Variants in PDE4D observed in about 807,000 individuals in gnomAD.
The protein encoded by PDE4D is phosphodiesterase 4D.
A neutral mutation model predicts 87.4 loss-of-function variants in PDE4D; 24 were observed. That is an observed-to-expected ratio of 0.27 (90% CI 0.20 to 0.39). The LOEUF (loss-of-function observed/expected upper bound fraction) is 0.39, where lower values mean the gene tolerates loss of function less well. Among genes scored for constraint, PDE4D ranks in the 10% least tolerant of loss-of-function variants. The probability of loss-of-function intolerance (pLI) is 1.00; values close to 1 mark genes in which losing one functional copy is unlikely to be tolerated. For missense variants in PDE4D, 714 were observed against 1,041.0 expected, an observed-to-expected ratio of 0.69 and a Z score of 4.32; for synonymous variants, 384 against 383.2, an observed-to-expected ratio of 1.00 and a Z score of -0.02.
chr5:59,305,317 A>G (rs1412009688), intron 1 of PDE4D, among the ~76,000 whole-genome samples: 1 of 151,488 alleles, frequency 6.6e-6, no homozygotes, highest in African/African-American at 2.4e-5. Flanking sequence ...TGGTCTATCA[A>G]TTTTATTTAT....
rs371639272 is a variant in PDE4D at position 59,550,900 on chromosome 5, G to A, written c.456-334932C>T. ...TTTAGTAGAGACGGGGTTTCACCATGTTGGTCAGGCTGGTCTCAAACTCCT... is the reference window on the plus strand; with the variant it reads ...TTTAGTAGAGACGGGGTTTCACCATATTGGTCAGGCTGGTCTCAAACTCCT... On this transcript the variant is annotated intron_variant, in intron 1 of 14. Coordinates refer to ENST00000340635, the MANE Select transcript of PDE4D (RefSeq NM_001104631.2). Among the ~76,000 whole-genome samples, 149 of 152,138 alleles carry A rather than the reference G, an allele frequency of 9.8e-4. 1 individual carries two copies. The highest frequency in any genetic ancestry group is 3.0e-3 in the African/African-American group (123 of 41,532).
intron 6 of PDE4D, among the ~76,000 whole-genome samples, chr5:59,026,970 T>C (rs1417570840): frequency 6.6e-6 from 1 of 152,190 alleles, no homozygotes; most frequent in Non-Finnish European, 1.5e-5. Context: ...AGTCCACACT[T>C]CATTCAGATT....
At chr5:59,762,523 T>C (rs1254717853) in intron 1 of PDE4D, among the ~76,000 whole-genome samples, 4 of 117,572 alleles carry the variant, frequency 3.4e-5, no homozygotes, top group South Asian at 5.2e-4. Flanking sequence ...TATATGTGTA[T>C]ATGGGTACAC....
At chr5:59,895,811 T>A (rs1304303227), upstream of PDE4D, among the ~76,000 whole-genome samples, 1 of 152,210 alleles carries the variant, frequency 6.6e-6, no homozygotes, top group Non-Finnish European at 1.5e-5. Context: ...GACTTATAAT[T>A]TTTTTCCAGA....
chr5:59,184,886 T>C (rs774986491), intron 4 of PDE4D, among the ~76,000 whole-genome samples: 5 of 152,200 alleles, frequency 3.3e-5, no homozygotes, highest in Non-Finnish European at 5.9e-5. Context: ...GGTTAATTTA[T>C]GAAGTAAGCC....
At chr5:59,726,616 T>G (rs1453468463) in intron 1 of PDE4D, among the ~76,000 whole-genome samples, 1 of 152,130 alleles carries the variant, frequency 6.6e-6, no homozygotes, top group African/African-American at 2.4e-5. Context: ...TCTGTTGTTG[T>G]GTAAGTTATC....
rs1399594349 is a variant in PDE4D, at chr5:59,071,645, C to A, written c.809-32674G>T. Reference sequence around the variant, plus strand: ...ATTTCTTCTCCTCTCTCTGATGATACCTTCTTCCTGCAACATCTGTACTTT... The same window carrying A: ...ATTTCTTCTCCTCTCTCTGATGATAACTTCTTCCTGCAACATCTGTACTTT... On this transcript the variant is annotated intron_variant, in intron 5 of 14. Transcript: ENST00000340635. Among the ~76,000 whole-genome samples the A allele has an allele frequency of 3.4e-5, 5 of 145,314 alleles. No individual in the cohort carries two copies. The East Asian group carries it at 1.1e-3, about 31-fold the overall frequency.
intron 1 of PDE4D, among the ~76,000 whole-genome samples, chr5:59,267,676 G>A (rs1468066034): frequency 6.6e-6 from 1 of 152,082 alleles, no homozygotes; most frequent in Non-Finnish European, 1.5e-5. Flanking sequence ...TGACAACTAA[G>A]AGGAAATGGG....
chr5:60,454,638 G>A (rs1025242138), intron 1 of PDE4D, among the ~76,000 whole-genome samples: 3 of 152,054 alleles, frequency 2.0e-5, no homozygotes, highest in Non-Finnish European at 4.4e-5. Context: ...ATACACACCA[G>A]GGCATGTTGG....
At chr5:59,794,137 GCACACACA>G (rs58204799) in intron 1 of PDE4D, among the ~76,000 whole-genome samples, 8,052 of 145,002 alleles carry the variant, frequency 0.056, 572 homozygotes, top group African/African-American at 0.17. Context: ...ACACAGAGGC[GCACACACA>G]CACACACACA....
chr5:59,436,232 C>T (rs1031210131), intron 1 of PDE4D, among the ~76,000 whole-genome samples: 2 of 152,098 alleles, frequency 1.3e-5, no homozygotes, highest in Admixed American at 6.6e-5. Context: ...AAGGAAATAA[C>T]AGTGCAAATG....
chr5:59,785,698 G>A (rs1765097918), intron 1 of PDE4D, among the ~76,000 whole-genome samples: 1 of 152,154 alleles, frequency 6.6e-6, no homozygotes, highest in Non-Finnish European at 1.5e-5. Flanking sequence ...AACACAATTA[G>A]CTTTTGCATG....
intron 2 of PDE4D, among the ~76,000 whole-genome samples, chr5:59,998,310 T>C (rs1582108413): frequency 6.6e-6 from 1 of 152,158 alleles, no homozygotes; most frequent in Non-Finnish European, 1.5e-5. Context: ...CTTATTTGAT[T>C]ACAACCTAGT....
chr5:59,561,574 C>T (rs73761539), intron 1 of PDE4D, among the ~76,000 whole-genome samples: 4,650 of 152,154 alleles, frequency 0.031, 92 homozygotes, highest in Middle Eastern at 0.054. Flanking sequence ...AGAGGGTGTA[C>T]ATTTATTCTA....
chr5:59,086,584 G>A (rs1487983506), intron 5 of PDE4D, among the ~76,000 whole-genome samples: 2 of 152,040 alleles, frequency 1.3e-5, no homozygotes, highest in African/African-American at 2.4e-5. Context: ...CCATTGTGCT[G>A]AAAACCCCAG....
intron 3 of PDE4D, among the ~76,000 whole-genome samples, chr5:59,192,544 A>G (rs569780659): frequency 2.6e-5 from 4 of 152,314 alleles, no homozygotes; most frequent in African/African-American, 9.6e-5. Context: ...GTTGAAAAAA[A>G]AGAGGACCCA....
chr5:59,085,247 T>C (rs1224090755), intron 5 of PDE4D, among the ~76,000 whole-genome samples: 2 of 152,154 alleles, frequency 1.3e-5, no homozygotes, highest in Admixed American at 6.5e-5. Flanking sequence ...TTGTATTTAA[T>C]GGTAAGAAAA....
chr5:60,371,859 C>A (rs534136866), intron 1 of PDE4D, among the ~76,000 whole-genome samples: 3 of 152,228 alleles, frequency 2.0e-5, no homozygotes, highest in African/African-American at 7.2e-5. Flanking sequence ...ATTGCTACTG[C>A]GTGTTTCATT....
At chr5:59,653,905 AG>A (rs1369546164) in intron 1 of PDE4D, among the ~76,000 whole-genome samples, 9 of 81,612 alleles carry the variant, frequency 1.1e-4, no homozygotes, top group African/African-American at 3.3e-4. Context: ...GTGGGAGGGG[AG>A]GGGAAAAAGG....
Sources: allele counts gnomAD v4.1 joint callset (sites outside exome capture counted in the v4.1 genomes callset), GRCh38; gene constraint gnomAD v4.1.1; transcripts MANE v1.5; gene names NCBI Gene and HGNC (gene_info 2026-07-23, HGNC 2026-07-21).